The following PKP2 variants were observed in gnomAD, a reference collection of about 807,000 sequenced individuals.
The protein encoded by PKP2 is plakophilin 2.
PKP2 carries 73 observed loss-of-function variants against 83.4 expected under a neutral mutation model. That is an observed-to-expected ratio of 0.88 (90% CI 0.72 to 1.06). The LOEUF is 1.06. PKP2 is among the 50% of genes least tolerant of loss of function. The pLI is 0.00. For missense variants in PKP2, 966 were observed against 1,065.4 expected (o/e 0.91, Z 1.30); for synonymous variants, 409 against 430.4 (o/e 0.95, Z 0.62).
intron 3 of PKP2, among the ~76,000 whole-genome samples, chr12:32,871,296 C>T (rs966594152): frequency 6.6e-6 from 1 of 151,948 alleles, no homozygotes; most frequent in African/African-American, 2.4e-5. Flanking sequence ...TTCATTTCTT[C>T]TTGTTCTTCT....
Position 32,807,997 on chromosome 12 carries a change from T to C in PKP2, c.2014-5441A>G, listed in dbSNP as rs74208917. ...ATTTTGACCTGGAATCTGATAAGTA[T>C]GTGTCTTGGATAATCTTCTCATGGA... On this transcript the variant is annotated intron_variant, in intron 9 of 12. Coordinates refer to ENST00000340811, the MANE Select transcript of PKP2 (RefSeq NM_001005242.3). Among the ~76,000 whole-genome samples the C allele has an allele frequency of 7.9e-4, 121 of 152,306 alleles. No individual in the cohort carries two copies. The East Asian group carries it at 0.02, about 25-fold the overall frequency.
chr12:32,876,213 A>G (rs190336957), intron 3 of PKP2, among the ~76,000 whole-genome samples: 1 of 152,262 alleles, frequency 6.6e-6, no homozygotes, highest in East Asian at 1.9e-4. Context: ...CTTAGGATGT[A>G]GCAGATAAGG....
At chr12:32,806,209 G>T (rs935994015) in intron 9 of PKP2, among the ~76,000 whole-genome samples, 7 of 152,176 alleles carry the variant, frequency 4.6e-5, no homozygotes, top group Non-Finnish European at 7.4e-5. Context: ...TTTGGTATCA[G>T]GATGATGCTG....
intron 6 of PKP2, among the ~76,000 whole-genome samples, chr12:32,826,982 A>G (rs1268689299): frequency 2.0e-5 from 3 of 152,202 alleles, no homozygotes; most frequent in Non-Finnish European, 4.4e-5. Flanking sequence ...TATGTCCCCA[A>G]CTACATGATG....
At chr12:32,857,912 G>A (rs922988873) in intron 4 of PKP2, among the ~76,000 whole-genome samples, 5 of 149,922 alleles carry the variant, frequency 3.3e-5, no homozygotes, top group Non-Finnish European at 7.4e-5. Flanking sequence ...CGAAGCATAC[G>A]TAATGATGCC....
intron 9 of PKP2, among the ~76,000 whole-genome samples, chr12:32,804,961 C>G (rs2137731442): frequency 6.6e-6 from 1 of 152,306 alleles, no homozygotes; most frequent in South Asian, 2.1e-4. Flanking sequence ...TTGCCAGCAT[C>G]TGTTGTTTTT....
intron 3 of PKP2, among the ~76,000 whole-genome samples, chr12:32,872,805 G>C (rs1956905496): frequency 6.6e-6 from 1 of 152,142 alleles, no homozygotes; most frequent in South Asian, 2.1e-4. Flanking sequence ...GAATGGATAT[G>C]TGTTTCTTGA....
intron 6 of PKP2, among the ~76,000 whole-genome samples, chr12:32,835,122 C>T (rs1257899781): frequency 1.3e-5 from 2 of 150,722 alleles, no homozygotes; most frequent in African/African-American, 2.4e-5. Flanking sequence ...GGCGCGACTT[C>T]GGCTCACTGC....
chr12:32,879,267 G>A (rs1454027770), intron 1 of PKP2, among the ~76,000 whole-genome samples: 2 of 152,152 alleles, frequency 1.3e-5, no homozygotes, highest in Admixed American at 1.3e-4. Context: ...GTGTGGTGGC[G>A]CACGCCTCTT....
chr12:32,875,982 T>C (rs1956928394), intron 3 of PKP2, among the ~76,000 whole-genome samples: 1 of 152,076 alleles, frequency 6.6e-6, no homozygotes, highest in East Asian at 1.9e-4. Flanking sequence ...TGGAAGAGCA[T>C]CAAGACTTGG....
intron 5 of PKP2, among the ~76,000 whole-genome samples, chr12:32,841,691 T>C (rs984073664): frequency 6.6e-6 from 1 of 152,214 alleles, no homozygotes; most frequent in African/African-American, 2.4e-5. Context: ...AACTTTCACC[T>C]GACATTGTGC....
At chr12:32,843,117 T>A (rs1956612263) in intron 5 of PKP2, 2 of 397,762 alleles carry the variant, frequency 5.0e-6, no homozygotes, top group Admixed American at 2.7e-5. Context: ...GTAGCTGGGA[T>A]TACAGGCGCA....
At chr12:32,800,600 C>G (rs1445605779) in intron 10 of PKP2, among the ~76,000 whole-genome samples, 2 of 152,174 alleles carry the variant, frequency 1.3e-5, no homozygotes, top group East Asian at 1.9e-4. Context: ...TTGTTTTTCC[C>G]TAAGTTGCAA....
rs1555148132 is a variant in PKP2 at position 32,878,251 on chromosome 12, C to T, written c.629G>A (p.Arg210Lys). 2 of 1,614,036 alleles carry T rather than the reference C, an allele frequency of 1.2e-6. No homozygotes were observed. Among genetic ancestry groups the T allele is most frequent in the Non-Finnish European group, 8.5e-7 (1 of 1,180,028 alleles). Residue 210 changes from arginine to lysine, a missense_variant, in exon 3 of 13, where the codon AGG (arginine) becomes AAG (lysine). Transcript: ENST00000340811. The part of the protein sequence containing the change: ...VGVSRAGTTS[R>K]QRHFDTYHRQ... ...GTGGTATGTGTCAAAGTGGCGCTGC[C>T]TGCTTGTGGTGCCAGCACGGCTGAC...
At chr12:32,806,216 G>T (rs1399033768) in intron 9 of PKP2, among the ~76,000 whole-genome samples, 1 of 152,208 alleles carries the variant, frequency 6.6e-6, no homozygotes, top group African/African-American at 2.4e-5. Flanking sequence ...TCAGGATGAT[G>T]CTGGTCTCAC....
chr12:32,797,692 A>G (rs183621600), intron 10 of PKP2, among the ~76,000 whole-genome samples: 5,367 of 151,170 alleles, frequency 0.036, 125 homozygotes, highest in Non-Finnish European at 0.058. Context: ...AGTAGCTGGG[A>G]TTACAGGTGC....
chr12:32,879,777 G>C (rs1388412946), intron 1 of PKP2, among the ~76,000 whole-genome samples: 2 of 149,724 alleles, frequency 1.3e-5, no homozygotes, highest in Admixed American at 1.3e-4. Flanking sequence ...TTGCAGTGAA[G>C]CTGAGATTGC....
At chr12:32,865,824 CAATTA>C (rs1237829231) in intron 4 of PKP2, among the ~76,000 whole-genome samples, 5 of 152,142 alleles carry the variant, frequency 3.3e-5, no homozygotes, top group Admixed American at 6.5e-5. Context: ...GACACCTGAA[CAATTA>C]AATTTACATA....
rs868005929 is a variant in PKP2, at chr12:32,892,315, C to T, written c.223+4194G>A. On this transcript the variant is annotated intron_variant, in intron 1 of 12. Coordinates refer to ENST00000340811, the MANE Select transcript of PKP2 (RefSeq NM_001005242.3). Reference sequence around the variant, plus strand: ...TTTTCAATTCTCTCTCCAGAATTCACTTTTTTTTTTTTTTTTGAGATGGAG... The same window carrying T: ...TTTTCAATTCTCTCTCCAGAATTCATTTTTTTTTTTTTTTTTGAGATGGAG... 2.4e-3 allele frequency among the ~76,000 whole-genome samples: 328 copies of T among 137,452 alleles called. 1 individual carries two copies. Among genetic ancestry groups the T allele is most frequent in the African/African-American group, 7.9e-3 (300 of 37,750 alleles). 90.2% of individuals were successfully genotyped at this position (137,452 alleles called of 152,430 possible). A position where few individuals can be genotyped will look rare whatever the true frequency, so the allele number is the denominator to read the frequency against.
Sources: allele counts gnomAD v4.1 joint callset (sites outside exome capture counted in the v4.1 genomes callset), GRCh38; gene constraint gnomAD v4.1.1; transcripts MANE v1.5; gene names NCBI Gene and HGNC (gene_info 2026-07-23, HGNC 2026-07-21).